CWF19L2: variants seen among roughly 807,000 people sequenced by gnomAD.
CWF19L2 encodes CWF19 like cell cycle control factor 2, also known as CWF19-like protein 2.
In CWF19L2, 98 loss-of-function variants were observed where a neutral mutation model predicts 111.7. The observed-to-expected ratio is 0.88, with a 90% CI of 0.75 to 1.04. The LOEUF (loss-of-function observed/expected upper bound fraction) is 1.04. Ranked by LOEUF, CWF19L2 falls within the 50% of genes least tolerant of loss-of-function variation. The pLI is 0.00. For synonymous variants in CWF19L2, 351 were observed against 342.9 expected (o/e 1.02, Z -0.26); for missense variants, 1,101 against 1,051.4 (o/e 1.05, Z -0.65).
intron 12 of CWF19L2, among the ~76,000 whole-genome samples, chr11:107,386,439 T>C (rs660962): frequency 0.54 from 81,843 of 152,062 alleles, 23,099 homozygotes; most frequent in African/African-American, 0.72. Flanking sequence ...AAATTCACTC[T>C]TGAACACAAC....
In CWF19L2 at chr11:107,326,825, A is replaced by C; in HGVS notation, c.*85T>G. 1.7e-6 allele frequency: 2 copies of C among 1,162,930 alleles called. No individual in the cohort carries two copies. Among genetic ancestry groups the C allele is most frequent in the Non-Finnish European group, 2.4e-6 (2 of 827,894 alleles). 72.0% of individuals were successfully genotyped at this position (1,162,930 alleles called of 1,614,324 possible). Reference sequence around the variant, plus strand: ...GCTGCTGTGACTCTCTCTGCCTGTGACCTGAGGGTCAGTTGCTTCATTAGA... The same window carrying C: ...GCTGCTGTGACTCTCTCTGCCTGTGCCCTGAGGGTCAGTTGCTTCATTAGA... On this transcript the variant is annotated 3_prime_UTR_variant, in exon 18 of 18. Coordinates refer to ENST00000282251, the MANE Select transcript of CWF19L2 (RefSeq NM_152434.3).
chr11:107,361,743 G>C (rs1427454392), intron 12 of CWF19L2, among the ~76,000 whole-genome samples: 5 of 152,104 alleles, frequency 3.3e-5, no homozygotes, highest in Non-Finnish European at 7.4e-5. Context: ...ATTGTAAATG[G>C]GATTACCTTG....
intron 15 of CWF19L2, 74 bp from the exon 16 acceptor site, chr11:107,335,035 T>C (rs1859902377): frequency 3.4e-6 from 3 of 879,226 alleles, no homozygotes; most frequent in South Asian, 1.4e-5. Flanking sequence ...TAACAAGTAA[T>C]ATAGCAAATT....
intron 1 of CWF19L2, among the ~76,000 whole-genome samples, chr11:107,457,183 A>G (rs1273538986): frequency 6.6e-6 from 1 of 152,212 alleles, no homozygotes; most frequent in Non-Finnish European, 1.5e-5. Flanking sequence ...ATCTTTTGTG[A>G]CAGGCTAAAT....
intron 4 of CWF19L2, 81 bp downstream of exon 4, chr11:107,442,857 AT>A (rs1861649812): frequency 1.6e-6 from 1 of 640,466 alleles, no homozygotes. Context: ...GGAGGGAGGG[AT>A]AGAGAGGGAA....
intron 6 of CWF19L2, 98 bp downstream of exon 6, chr11:107,438,992 C>T (rs1227395735): frequency 3.6e-5 from 22 of 611,896 alleles, no homozygotes; most frequent in South Asian, 1.3e-4. Context: ...GAGCCATGAT[C>T]GCACCACTGC....
chr11:107,446,145 A>C (rs1440850295), intron 3 of CWF19L2, among the ~76,000 whole-genome samples: 1 of 152,178 alleles, frequency 6.6e-6, no homozygotes, highest in Non-Finnish European at 1.5e-5. Flanking sequence ...CTATTCTGAG[A>C]TTTTCTAATA....
intron 12 of CWF19L2, among the ~76,000 whole-genome samples, chr11:107,365,877 G>A (rs1395868527): frequency 9.7e-5 from 14 of 144,560 alleles, no homozygotes; most frequent in Admixed American, 9.0e-4. Flanking sequence ...AAAAGAGGAA[G>A]TCAAACTGTC....
intron 12 of CWF19L2, among the ~76,000 whole-genome samples, chr11:107,389,273 G>C (rs915302206): frequency 6.6e-6 from 1 of 152,164 alleles, no homozygotes; most frequent in Non-Finnish European, 1.5e-5. Context: ...AAGCCACACA[G>C]AAAATATTTG....
chr11:107,342,575 A>G (rs1039171540), intron 14 of CWF19L2, among the ~76,000 whole-genome samples: 3 of 151,590 alleles, frequency 2.0e-5, no homozygotes, highest in African/African-American at 7.2e-5. Context: ...TTGTGGCAAG[A>G]TAGAGTCTAT....
intron 8 of CWF19L2, among the ~76,000 whole-genome samples, chr11:107,423,434 A>AT (rs1861329281): frequency 6.6e-6 from 1 of 151,932 alleles, no homozygotes; most frequent in South Asian, 2.1e-4. Flanking sequence ...CACCAGTGCA[A>AT]TTATTCCCCT....
chr11:107,333,377 C>T (rs939007059), intron 16 of CWF19L2, among the ~76,000 whole-genome samples: 11 of 152,100 alleles, frequency 7.2e-5, no homozygotes, highest in African/African-American at 2.4e-4. Context: ...AGACATTTCA[C>T]CAGTAAGAAA....
chr11:107,378,407 C>G (rs1277149247), intron 12 of CWF19L2, among the ~76,000 whole-genome samples: 1 of 151,578 alleles, frequency 6.6e-6, no homozygotes, highest in Non-Finnish European at 1.5e-5. Flanking sequence ...GAAAATGTGG[C>G]ACATATACAC....
At chr11:107,435,886 C>T (rs35743606) in intron 6 of CWF19L2, among the ~76,000 whole-genome samples, 1,670 of 151,964 alleles carry the variant, frequency 0.011, 15 homozygotes, top group Middle Eastern at 0.031. Context: ...CCAGGTGCAG[C>T]GGCTCACGCC....
intron 14 of CWF19L2, among the ~76,000 whole-genome samples, chr11:107,338,612 CCAT>C (rs903049842): frequency 3.7e-4 from 56 of 152,112 alleles, no homozygotes; most frequent in African/African-American, 1.2e-3. Flanking sequence ...TTCCCCACCA[CCAT>C]GTGTCCAGGT....
chr11:107,350,106 A>G (rs927450558), intron 13 of CWF19L2, among the ~76,000 whole-genome samples: 3 of 152,206 alleles, frequency 2.0e-5, no homozygotes, highest in Admixed American at 2.0e-4. Context: ...AAAAGAGAAA[A>G]GAAAATTCAT....
chr11:107,418,028 G>T (rs1307518737), intron 9 of CWF19L2, among the ~76,000 whole-genome samples, 166 bp downstream of exon 9: 5 of 152,166 alleles, frequency 3.3e-5, no homozygotes, highest in African/African-American at 1.2e-4. Flanking sequence ...CCAAAGTGCT[G>T]GGATTACAGG....
rs1379928770 is a variant in CWF19L2 at position 107,433,623 on chromosome 11, C to A, written c.780+11G>T. The stretch of plus-strand genomic sequence containing the variant: ...GAAAATAAGAGGCATCTCCTTAAAA[C>A]AGATACTCACCCCATATCTTTCGGC... On this transcript the variant is annotated intron_variant, in intron 7 of 17. Transcript: ENST00000282251. 2 of 1,383,620 alleles carry A rather than the reference C, an allele frequency of 1.4e-6. No individual in the cohort carries two copies. Among genetic ancestry groups the A allele is most frequent in the Admixed American group, 4.1e-5 (2 of 48,986 alleles). 85.7% of individuals were successfully genotyped at this position (1,383,620 alleles called of 1,614,324 possible). A position where few individuals can be genotyped will look rare whatever the true frequency, so the allele number is the denominator to read the frequency against.
intron 7 of CWF19L2, among the ~76,000 whole-genome samples, chr11:107,429,672 A>C (rs1185969257): frequency 6.6e-6 from 1 of 152,210 alleles, no homozygotes; most frequent in African/African-American, 2.4e-5. Flanking sequence ...CCAAAAGGAT[A>C]GCCAGTTACA....
Sources: allele counts gnomAD v4.1 joint callset (sites outside exome capture counted in the v4.1 genomes callset), GRCh38; gene constraint gnomAD v4.1.1; transcripts MANE v1.5; gene names NCBI Gene and HGNC (gene_info 2026-07-23, HGNC 2026-07-21).